Variants in PDE4DIP observed in about 807,000 individuals in gnomAD.
The protein encoded by PDE4DIP is phosphodiesterase 4D interacting protein.
In PDE4DIP, 59 loss-of-function variants were observed where a neutral mutation model predicts 221.4. The ratio of observed to expected loss-of-function variants is 0.27; its 90% CI spans 0.22 to 0.33. The LOEUF is 0.33. PDE4DIP is among the 10% of genes least tolerant of loss of function. The probability of loss-of-function intolerance (pLI) is 1.00; values close to 1 mark genes in which losing one functional copy is unlikely to be tolerated. For missense variants in PDE4DIP, 1,036 were observed against 2,154.2 expected (o/e 0.48, Z 10.28); for synonymous variants, 404 against 815.9 (o/e 0.50, Z 8.60).
chr1:149,020,860 A>G (rs1297615218), intron 36 of PDE4DIP, 169 bp from the exon 40 acceptor site: 4 of 581,724 alleles, frequency 6.9e-6, no homozygotes, highest in African/African-American at 1.9e-5. Context: ...ATATCTGCGA[A>G]ATAAAAGTGA....
chr1:148,953,978 A>G (rs2054430472), intron 5 of PDE4DIP: 1 of 817,366 alleles, frequency 1.2e-6, no homozygotes, highest in East Asian at 2.4e-5. Flanking sequence ...ATTTCGGTCT[A>G]GGTGGAGGTT....
chr1:148,954,985 T>C (rs1324185482), intron 5 of PDE4DIP, among the ~76,000 whole-genome samples: 3 of 152,056 alleles, frequency 2.0e-5, no homozygotes, highest in African/African-American at 7.2e-5. Context: ...TTCTATGGTA[T>C]GTATACTGTC....
intron 14 of PDE4DIP, among the ~76,000 whole-genome samples, chr1:148,971,318 T>TA (rs1160061552): frequency 2.0e-5 from 3 of 150,752 alleles, no homozygotes; most frequent in Non-Finnish European, 3.0e-5. Flanking sequence ...TTAGGAAACT[T>TA]ACATTCCATG....
At chr1:149,009,644 C>T (rs2067997403) in exon 30 of PDE4DIP, 2 of 1,614,186 alleles carry the variant, frequency 1.2e-6, no homozygotes, top group Non-Finnish European at 1.7e-6. Context: ...GTCCCTCACA[C>T]CCTCCAGCAG....
At chr1:148,951,721 A>G (rs2151260304) in intron 5 of PDE4DIP, among the ~76,000 whole-genome samples, 1 of 152,424 alleles carries the variant, frequency 6.6e-6, no homozygotes, top group Non-Finnish European at 1.5e-5. Context: ...TTCACATTGT[A>G]TGTGCCGGAC....
intron 1 of PDE4DIP, among the ~76,000 whole-genome samples, chr1:148,918,455 T>C (rs1433100553): frequency 1.9e-5 from 2 of 103,660 alleles, no homozygotes; most frequent in Non-Finnish European, 3.9e-5. Context: ...TGTGATTCTG[T>C]CTGTTTTGCT....
chr1:148,962,992 A>C (rs1456452620), intron 9 of PDE4DIP, among the ~76,000 whole-genome samples: 6 of 152,112 alleles, frequency 3.9e-5, no homozygotes, highest in African/African-American at 1.4e-4. Context: ...TCCTGTATTC[A>C]TGCCATTCTC....
rs1319257447 is a variant in PDE4DIP, at chr1:148,857,007, G to T, written c.234-6243G>T. ...GGGAATTGGAACACAATCTGCATTT[G>T]GTTCAATGCCTACTCCTGTGAGGAC... On this transcript the variant is annotated intron_variant, in intron 1 of 45. Coordinates refer to the PDE4DIP transcript ENST00000524974. Among the ~76,000 whole-genome samples the T allele has an allele frequency of 1.2e-4, 11 of 90,030 alleles. 3 individuals are homozygous for T. The highest frequency in any genetic ancestry group is 7.7e-4 in the Admixed American group (7 of 9,132). 59.1% of individuals were successfully genotyped at this position (90,030 alleles called of 152,430 possible).
intron 22 of PDE4DIP, among the ~76,000 whole-genome samples, chr1:148,996,738 C>G (rs2064315529): frequency 1.3e-5 from 2 of 152,312 alleles, no homozygotes; most frequent in South Asian, 4.2e-4. Context: ...CCAACCCCAG[C>G]AGCTCTGTCA....
At chr1:148,947,196 A>T (rs377154013) in intron 5 of PDE4DIP, among the ~76,000 whole-genome samples, 9 of 151,528 alleles carry the variant, frequency 5.9e-5, no homozygotes, top group Non-Finnish European at 1.2e-4. Context: ...GAAAGACTCT[A>T]ATGTTTACTA....
intron 1 of PDE4DIP, among the ~76,000 whole-genome samples, chr1:148,918,622 TACACACACACACACACACAC>T (rs57116412): frequency 2.3e-4 from 21 of 92,236 alleles, no homozygotes. Flanking sequence ...TCTCTCTCTC[TACACACACACACACACACAC>T]ACACACACAC....
exon 18 of PDE4DIP, chr1:148,978,035 T>C (rs377267435): frequency 6.2e-7 from 1 of 1,613,468 alleles, no homozygotes; most frequent in Non-Finnish European, 8.5e-7. Flanking sequence ...ACATACAGAT[T>C]AAAGAAGATC....
rs1484033765 is a variant in PDE4DIP, at chr1:148,923,841, T to G, written c.142-5356T>G. On this transcript the variant is annotated intron_variant, in intron 1 of 43. Transcript: ENST00000369354. ...ATTCATTTATTCCTCACTACAAACT[T>G]TGAGGTAATTTTTGCAAACCCTATT... 1.4e-5 allele frequency among the ~76,000 whole-genome samples: 2 copies of G among 146,104 alleles called. 1 individual carries two copies.
At chr1:148,964,255 T>C (rs1355865328) in intron 9 of PDE4DIP, among the ~76,000 whole-genome samples, 2 of 151,860 alleles carry the variant, frequency 1.3e-5, no homozygotes, top group Non-Finnish European at 2.9e-5. Context: ...ATTACAGGCA[T>C]GCGCCACCAC....
rs782237099 is a variant in PDE4DIP at position 148,981,471 on chromosome 1, G to C, written c.2815+74G>C. 3.8e-6 allele frequency: 6 copies of C among 1,594,662 alleles called. No individual in the cohort carries two copies. The East Asian group carries it at 1.3e-4, about 36-fold the overall frequency. ...CACTGGCGGGTCAGACTGCAGCCCA[G>C]GATGGAAAACCTTGTTTGCACTAAC... On this transcript the variant is annotated intron_variant, in intron 21 of 43. Transcript: ENST00000369354.
intron 1 of PDE4DIP, among the ~76,000 whole-genome samples, chr1:148,907,161 T>A (rs1401530412): frequency 7.0e-6 from 1 of 142,698 alleles, no homozygotes; most frequent in Non-Finnish European, 1.5e-5. Context: ...TTTATGTGAG[T>A]CCTTATGTGT....
chr1:148,973,553 CT>C (rs1553533846), intron 16 of PDE4DIP, among the ~76,000 whole-genome samples: 2 of 151,678 alleles, frequency 1.3e-5, no homozygotes, highest in Admixed American at 1.3e-4. Context: ...AATATAGGTT[CT>C]TTTTTCCCTC....
exon 44 of PDE4DIP, chr1:149,032,556 G>A (rs1453781492): frequency 3.8e-5 from 10 of 262,748 alleles, no homozygotes; most frequent in Middle Eastern, 1.1e-3. Flanking sequence ...CTGCACTGTA[G>A]CACCTGTGTT....
At chr1:149,013,432 CTG>C (rs1398820257) in intron 32 of PDE4DIP, among the ~76,000 whole-genome samples, 1 of 96,572 alleles carries the variant, frequency 1.0e-5, no homozygotes, top group Non-Finnish European at 2.1e-5. Flanking sequence ...GTTACGTAGA[CTG>C]TGGACAGTCA....
Sources: allele counts gnomAD v4.1 joint callset (sites outside exome capture counted in the v4.1 genomes callset), GRCh38; gene constraint gnomAD v4.1.1; transcripts MANE v1.5; gene names NCBI Gene and HGNC (gene_info 2026-07-23, HGNC 2026-07-21).